C10orf90: variants seen among roughly 807,000 people sequenced by gnomAD.
C10orf90 encodes chromosome 10 open reading frame 90, also known as (E2-independent) E3 ubiquitin-conjugating enzyme FATS.
In C10orf90, 56 loss-of-function variants were observed where a neutral mutation model predicts 62.5. That is an observed-to-expected ratio of 0.90 (90% CI 0.72 to 1.12). C10orf90 has a LOEUF of 1.12. C10orf90 is among the 50% of genes most tolerant of loss of function. The pLI, the probability that C10orf90 is intolerant of heterozygous loss-of-function variation, is 0.00. For synonymous variants in C10orf90, 386 were observed against 340.4 expected (o/e 1.13, Z -1.47); for missense variants, 970 against 880.4 (o/e 1.10, Z -1.29).
At chr10:126,457,987 TG>T (rs752016870) in intron 7 of C10orf90, among the ~76,000 whole-genome samples, 14 of 152,312 alleles carry the variant, frequency 9.2e-5, no homozygotes, top group Non-Finnish European at 1.9e-4. Context: ...GCAGGTGTCT[TG>T]TCAAATATTT....
intron 3 of C10orf90, among the ~76,000 whole-genome samples, chr10:126,510,986 C>T (rs1352151380): frequency 6.6e-6 from 1 of 152,242 alleles, no homozygotes; most frequent in Non-Finnish European, 1.5e-5. Context: ...CCCATTGCTG[C>T]TCTGCAGCCT....
intron 2 of C10orf90, among the ~76,000 whole-genome samples, chr10:126,545,414 G>C (rs1864468209): frequency 6.6e-6 from 1 of 151,972 alleles, no homozygotes; most frequent in Admixed American, 6.6e-5. Flanking sequence ...GACCTGCACT[G>C]TCTGGCCAAG....
chr10:126,574,408 T>G (rs1485216901), intron 2 of C10orf90, among the ~76,000 whole-genome samples: 1 of 152,112 alleles, frequency 6.6e-6, no homozygotes, highest in African/African-American at 2.4e-5. Flanking sequence ...TGAAAATATG[T>G]TTGACCTCAC....
chr10:126,468,660 G>A (rs1043497220), intron 4 of C10orf90, among the ~76,000 whole-genome samples: 2 of 152,190 alleles, frequency 1.3e-5, no homozygotes, highest in African/African-American at 4.8e-5. Context: ...GCAGGCCTTA[G>A]GGATAAGTTG....
chr10:126,663,179 G>A (rs1053005327), intron 1 of C10orf90, among the ~76,000 whole-genome samples: 2 of 152,132 alleles, frequency 1.3e-5, no homozygotes, highest in African/African-American at 2.4e-5. Flanking sequence ...AGAAAGCTGC[G>A]GAGGGACAAA....
At chr10:126,634,652 A>G (rs1386511743) in intron 2 of C10orf90, among the ~76,000 whole-genome samples, 2 of 152,210 alleles carry the variant, frequency 1.3e-5, no homozygotes, top group Non-Finnish European at 2.9e-5. Flanking sequence ...CAATAATAAA[A>G]AAGATTATGA....
chr10:126,604,178 G>T (rs1273896445), intron 2 of C10orf90, among the ~76,000 whole-genome samples: 2 of 152,210 alleles, frequency 1.3e-5, no homozygotes, highest in East Asian at 3.9e-4. Flanking sequence ...ATTCGGAGAA[G>T]CCATCTGACC....
chr10:126,513,955 TA>T lies in C10orf90; in HGVS notation c.314-17del, dbSNP rs1564848525. Reference sequence around the variant, plus strand: ...TCCCGTAATCCTAGGCAAAAGAAGATAATATTGCTACTTTTTAGTATATAAA... The same window carrying T: ...TCCCGTAATCCTAGGCAAAAGAAGATATATTGCTACTTTTTAGTATATAAA... On this transcript the variant is annotated splice_polypyrimidine_tract_variant and intron_variant, in intron 2 of 9. Coordinates refer to ENST00000488181, the MANE Select transcript of C10orf90 (RefSeq NM_001350921.2). 1.9e-6 allele frequency: 3 copies of T among 1,547,754 alleles called. No individual in the cohort carries two copies. The highest frequency in any genetic ancestry group is 1.8e-6 in the Non-Finnish European group (2 of 1,124,200).
Position 126,464,716 on chromosome 10 carries a change from A to G in C10orf90, c.1805T>C (p.Ile602Thr), listed in dbSNP as rs1860179334. The change falls in exon 5 of 10, where the codon ATA (isoleucine) becomes ACA (threonine). Residue 602 changes from isoleucine (I) to threonine (T), a missense_variant. Transcript: ENST00000488181. ...CTTACCTTTGGGGAACTTGCTTTCT[A>G]TCTGAACACCATTGTCTTCCTGCAG... ...ASLQEDNGVQ[I>T]ESKFPKGDYT... 6.2e-7 allele frequency: 1 copy of G among 1,610,208 alleles called. No individual in the cohort carries two copies. The highest frequency in any genetic ancestry group is 8.5e-7 in the Non-Finnish European group (1 of 1,176,974).
rs571244817 is a variant in C10orf90, at chr10:126,550,353, T to C, written c.314-36414A>G. On this transcript the variant is annotated intron_variant, in intron 2 of 9. Coordinates refer to ENST00000488181, the MANE Select transcript of C10orf90 (RefSeq NM_001350921.2). ...GAGGGAGGTGCAGAAGGGAAGTGAG[T>C]GTGACTATAGAAGATCAACAGGAGG... Among the ~76,000 whole-genome samples, 141 of 152,116 alleles carry C rather than the reference T, an allele frequency of 9.3e-4. 1 individual carries two copies. Among genetic ancestry groups the C allele is most frequent in the Non-Finnish European group, 1.5e-3 (100 of 68,002 alleles).
intron 2 of C10orf90, among the ~76,000 whole-genome samples, chr10:126,608,407 T>C (rs550847299): frequency 3.3e-5 from 5 of 152,328 alleles, no homozygotes; most frequent in Non-Finnish European, 5.9e-5. Flanking sequence ...CCACCATGCC[T>C]AGCCTGAATG....
chr10:126,579,105 G>GTAGA (rs1844689696), intron 2 of C10orf90, among the ~76,000 whole-genome samples: 1 of 151,562 alleles, frequency 6.6e-6, no homozygotes, highest in Non-Finnish European at 1.5e-5. Flanking sequence ...GCTCTTATGG[G>GTAGA]TAGACATTTA....
At chr10:126,524,666 G>A (rs1863880227) in intron 2 of C10orf90, 1 of 986,098 alleles carries the variant, frequency 1.0e-6, no homozygotes, top group Non-Finnish European at 1.2e-6. Flanking sequence ...ATCCCACCTG[G>A]CCACTCAGCC....
At chr10:126,605,129 TA>T (rs147594305) in intron 2 of C10orf90, among the ~76,000 whole-genome samples, 396 of 152,308 alleles carry the variant, frequency 2.6e-3, no homozygotes, top group African/African-American at 8.9e-3. Context: ...AACTAAGAAA[TA>T]AAAACTTTAT....
At chr10:126,488,152 C>T (rs1379978337) in intron 4 of C10orf90, among the ~76,000 whole-genome samples, 2 of 152,012 alleles carry the variant, frequency 1.3e-5, no homozygotes, top group African/African-American at 4.8e-5. Flanking sequence ...AATAAATCAA[C>T]ACATATCAGT....
chr10:126,425,938 A>T (rs774243651), intron 9 of C10orf90, 36 bp from the exon 10 acceptor site: 1 of 1,613,970 alleles, frequency 6.2e-7, no homozygotes, highest in Admixed American at 1.7e-5. Context: ...TCAAGTTGAG[A>T]TTCGGCATCT....
intron 7 of C10orf90, among the ~76,000 whole-genome samples, chr10:126,436,625 G>A (rs889589998): frequency 2.6e-5 from 4 of 152,110 alleles, no homozygotes; most frequent in African/African-American, 7.2e-5. Context: ...CTAAGATTTG[G>A]TTCCTCTGCA....
At chr10:126,666,754 G>A (rs957538178) in intron 1 of C10orf90, among the ~76,000 whole-genome samples, 4 of 151,868 alleles carry the variant, frequency 2.6e-5, no homozygotes, top group African/African-American at 4.8e-5. Flanking sequence ...CAAGGCGGGC[G>A]GATCATGAGG....
At chr10:126,657,620 CTT>C (rs777487291) in intron 1 of C10orf90, among the ~76,000 whole-genome samples, 3 of 120,276 alleles carry the variant, frequency 2.5e-5, no homozygotes, top group African/African-American at 3.0e-5. Context: ...TTTTTTTTTT[CTT>C]TTTTTTTTTT....
Sources: gnomAD v4.1 joint callset for allele counts (sites outside exome capture counted in the v4.1 genomes callset) on GRCh38, gnomAD v4.1.1 for gene constraint, MANE v1.5 for transcripts, NCBI Gene and HGNC (gene_info 2026-07-23, HGNC 2026-07-21) for gene names.